The following HRH1 variants were observed in gnomAD, a reference collection of about 807,000 sequenced individuals.
HRH1 encodes the protein histamine H1 receptor.
HRH1 carries 6 observed loss-of-function variants against 10.3 expected under a neutral mutation model. The observed-to-expected ratio is 0.58, with a 90% CI of 0.32 to 1.15. The LOEUF (loss-of-function observed/expected upper bound fraction) is 1.15. Among genes scored for constraint, HRH1 ranks in the 50% most tolerant of loss-of-function variants. The pLI, the probability that HRH1 is intolerant of heterozygous loss-of-function variation, is 0.05. For synonymous variants in HRH1, 242 were observed against 236.7 expected (o/e 1.02, Z -0.21); for missense variants, 514 against 615.3 (o/e 0.84, Z 1.74).
At chr3:11,209,924 A>G (rs538424125) in intron 1 of HRH1, among the ~76,000 whole-genome samples, 3 of 152,240 alleles carry the variant, frequency 2.0e-5, no homozygotes, top group East Asian at 3.9e-4. Context: ...GGCATTAGGG[A>G]CCTTGTCTTG....
chr3:11,145,115 A>T (rs935761682), intron 1 of HRH1, among the ~76,000 whole-genome samples: 1 of 152,074 alleles, frequency 6.6e-6, no homozygotes, highest in African/African-American at 2.4e-5. Context: ...GATTACTGCA[A>T]CCACCTCTAA....
chr3:11,244,518 G>A lies in HRH1; in HGVS notation c.-35-14485G>A, dbSNP rs561445201. On this transcript the variant is annotated intron_variant, in intron 1 of 1. Coordinates refer to ENST00000431010, the MANE Select transcript of HRH1 (RefSeq NM_001098212.2). ...GGTACAGGATGGTGGTGCTCACCAA[G>A]AAATGGAAGAAAACACAACCACTGC... Among the ~76,000 whole-genome samples, 4 of 152,306 alleles carry A rather than the reference G, an allele frequency of 2.6e-5. No homozygotes were observed. In the East Asian group the frequency reaches 7.7e-4, roughly 29 times the overall value.
chr3:11,160,902 C>T (rs1184491172), intron 1 of HRH1, among the ~76,000 whole-genome samples: 3 of 152,234 alleles, frequency 2.0e-5, no homozygotes, highest in Admixed American at 2.0e-4. Context: ...GATAAAGAGC[C>T]TGTTACCTTG....
intron 1 of HRH1, among the ~76,000 whole-genome samples, chr3:11,167,077 G>GGC (rs1487199368): frequency 2.0e-5 from 3 of 147,534 alleles, no homozygotes; most frequent in East Asian, 2.1e-4. Context: ...CTGGTCCCCT[G>GGC]CATTCTCCAG....
chr3:11,236,706 T>TA (rs1939190106), intron 1 of HRH1, among the ~76,000 whole-genome samples: 1 of 152,210 alleles, frequency 6.6e-6, no homozygotes, highest in Non-Finnish European at 1.5e-5. Flanking sequence ...CCCCTATATA[T>TA]AAATAACTTC....
intron 1 of HRH1, among the ~76,000 whole-genome samples, chr3:11,196,334 G>T (rs917447230): frequency 6.6e-6 from 1 of 152,130 alleles, no homozygotes; most frequent in Non-Finnish European, 1.5e-5. Flanking sequence ...CCCTAAGCAG[G>T]TCACATCCCC....
chr3:11,162,984 G>C (rs926219127), intron 1 of HRH1, among the ~76,000 whole-genome samples: 1 of 152,176 alleles, frequency 6.6e-6, no homozygotes, highest in Non-Finnish European at 1.5e-5. Flanking sequence ...CTGCTCACTT[G>C]CTCTGAATTG....
intron 1 of HRH1, chr3:11,234,224 G>T: frequency 2.8e-6 from 4 of 1,425,090 alleles, no homozygotes; most frequent in South Asian, 1.3e-5. Context: ...ACTCCAAAAG[G>T]ACTGGAGCCC....
At chr3:11,240,469 G>T (rs1004518880) in intron 1 of HRH1, among the ~76,000 whole-genome samples, 16 of 151,896 alleles carry the variant, frequency 1.1e-4, no homozygotes, top group Admixed American at 8.5e-4. Context: ...AGGTTGCCCC[G>T]ATCCCTACCA....
chr3:11,194,671 T>C (rs1281358452), intron 1 of HRH1, among the ~76,000 whole-genome samples: 1 of 152,050 alleles, frequency 6.6e-6, no homozygotes, highest in Non-Finnish European at 1.5e-5. Context: ...AACAATTAGC[T>C]GGACATGGTG....
chr3:11,215,370 C>T (rs1294155571), intron 1 of HRH1, among the ~76,000 whole-genome samples: 1 of 152,202 alleles, frequency 6.6e-6, no homozygotes, highest in Non-Finnish European at 1.5e-5. Flanking sequence ...CATTGTACAA[C>T]TGAATAGTTG....
chr3:11,184,656 C>G (rs539545367), intron 1 of HRH1, among the ~76,000 whole-genome samples: 31 of 152,222 alleles, frequency 2.0e-4, no homozygotes, highest in African/African-American at 6.7e-4. Context: ...ATGACTCGCA[C>G]CTGTAATCCA....
chr3:11,256,160 C>T (rs112523238), intron 1 of HRH1, among the ~76,000 whole-genome samples: 1 of 152,148 alleles, frequency 6.6e-6, no homozygotes, highest in African/African-American at 2.4e-5. Context: ...TAGGGCAGGA[C>T]TTTGGGTCAC....
chr3:11,235,468 C>T (rs566222322), intron 1 of HRH1, among the ~76,000 whole-genome samples: 1 of 152,092 alleles, frequency 6.6e-6, no homozygotes, highest in Admixed American at 6.5e-5. Context: ...ACTTGAAGGG[C>T]GTGGCTTCCT....
intron 1 of HRH1, among the ~76,000 whole-genome samples, chr3:11,184,507 C>T (rs1937415073): frequency 6.6e-6 from 1 of 152,132 alleles, no homozygotes; most frequent in Admixed American, 6.5e-5. Context: ...TCCTCCCAGA[C>T]AGGCATAAAT....
intron 1 of HRH1, among the ~76,000 whole-genome samples, chr3:11,199,440 A>G (rs1937812900): frequency 6.6e-6 from 1 of 152,018 alleles, no homozygotes; most frequent in Non-Finnish European, 1.5e-5. Flanking sequence ...TTGCCTGGCT[A>G]ATGCCCATTC....
intron 1 of HRH1, among the ~76,000 whole-genome samples, chr3:11,178,219 T>A (rs1036618785): frequency 6.6e-6 from 1 of 152,242 alleles, no homozygotes; most frequent in African/African-American, 2.4e-5. Context: ...AGCTTCTGAC[T>A]GCTGGGCTCA....
intron 1 of HRH1, among the ~76,000 whole-genome samples, chr3:11,181,308 A>G (rs1289563164): frequency 2.0e-5 from 3 of 152,174 alleles, no homozygotes; most frequent in African/African-American, 7.2e-5. Flanking sequence ...AATAAAATAT[A>G]TATACACATA....
intron 1 of HRH1, among the ~76,000 whole-genome samples, chr3:11,222,936 T>C (rs1159398966): frequency 3.3e-5 from 5 of 151,768 alleles, no homozygotes; most frequent in African/African-American, 1.2e-4. Flanking sequence ...CCTGTAATCC[T>C]AGCACTTTGG....
Sources: allele counts gnomAD v4.1 joint callset (sites outside exome capture counted in the v4.1 genomes callset), GRCh38; gene constraint gnomAD v4.1.1; transcripts MANE v1.5; gene names NCBI Gene and HGNC (gene_info 2026-07-23, HGNC 2026-07-21).